Variants in NKIRAS1 observed in about 807,000 individuals in gnomAD.
NKIRAS1 encodes the protein NFKB inhibitor interacting Ras like 1.
A neutral mutation model predicts 19.8 loss-of-function variants in NKIRAS1; 16 were observed. The observed-to-expected ratio is 0.81, with a 90% CI of 0.55 to 1.23. The LOEUF (loss-of-function observed/expected upper bound fraction) is 1.23. Ranked by LOEUF, NKIRAS1 falls within the 50% of genes most tolerant of loss-of-function variation. The probability of loss-of-function intolerance (pLI) is 0.00; values close to 1 mark genes in which losing one functional copy is unlikely to be tolerated. For missense variants in NKIRAS1, 184 were observed against 220.0 expected (o/e 0.84, Z 1.04); for synonymous variants, 88 against 79.0 (o/e 1.11, Z -0.61).
upstream of NKIRAS1, chr3:23,921,606 TCA>T (rs1264423416): frequency 2.4e-5 from 13 of 548,768 alleles, no homozygotes; most frequent in African/African-American, 2.3e-4. Context: ...AGATGGAGTC[TCA>T]CTCTCACTCA....
intron 1 of NKIRAS1, among the ~76,000 whole-genome samples, chr3:23,933,368 C>A (rs984883300): frequency 4.6e-5 from 7 of 152,140 alleles, no homozygotes; most frequent in African/African-American, 7.2e-5. Flanking sequence ...ACAATTTTGT[C>A]CCCCAGGGAC....
intron 1 of NKIRAS1, among the ~76,000 whole-genome samples, chr3:23,941,828 A>G (rs377401186): frequency 2.0e-5 from 3 of 152,330 alleles, no homozygotes; most frequent in East Asian, 3.9e-4. Context: ...GCTCATAGAC[A>G]CTGATATTAT....
At chr3:23,910,699 G>A (rs1054454081) in intron 3 of NKIRAS1, 112 bp downstream of exon 3, 5 of 741,138 alleles carry the variant, frequency 6.7e-6, no homozygotes, top group Non-Finnish European at 1.2e-5. Flanking sequence ...TGGTCCCTCT[G>A]GATTATACCT....
chr3:23,917,965 C>T, upstream of NKIRAS1: 5 of 1,613,706 alleles, frequency 3.1e-6, no homozygotes, highest in Non-Finnish European at 4.2e-6. Context: ...GCTCTCTGCT[C>T]TCCACAGGGC....
upstream of NKIRAS1, chr3:23,918,447 T>C (rs754454565): frequency 6.8e-6 from 11 of 1,612,360 alleles, no homozygotes; most frequent in African/African-American, 1.3e-5. Flanking sequence ...TAGGTTACGT[T>C]ATATATAGGA....
upstream of NKIRAS1, chr3:23,918,020 A>C: frequency 1.2e-6 from 2 of 1,609,024 alleles, no homozygotes; most frequent in Non-Finnish European, 1.7e-6. Context: ...CTGGGCTACA[A>C]GGCCAAGCAA....
chr3:23,921,736 A>T, upstream of NKIRAS1: 1 of 619,220 alleles, frequency 1.6e-6, no homozygotes. Flanking sequence ...TGCCATGCCC[A>T]GCTAAGTTTT....
At chr3:23,908,179 A>C (rs2125406037) in intron 3 of NKIRAS1, among the ~76,000 whole-genome samples, 1 of 152,304 alleles carries the variant, frequency 6.6e-6, no homozygotes, top group Non-Finnish European at 1.5e-5. Flanking sequence ...AAATTTCCAA[A>C]ATGACCAATT....
rs113081849 is a variant in NKIRAS1 at position 23,899,718 on chromosome 3, G to A, written c.336+1090C>T. Among the ~76,000 whole-genome samples the A allele has an allele frequency of 2.2e-3, 337 of 152,358 alleles. 1 individual carries two copies. Among genetic ancestry groups the A allele is most frequent in the African/African-American group, 7.5e-3 (312 of 41,596 alleles). On this transcript the variant is annotated intron_variant, in intron 4 of 4. Coordinates refer to ENST00000425478, the MANE Select transcript of NKIRAS1 (RefSeq NM_020345.4). Reference sequence around the variant, plus strand: ...TAATAAAGATGAGATGAAAAGGACAGGCATGGGCCAGGTAATCTAAATCTT... The same window carrying A: ...TAATAAAGATGAGATGAAAAGGACAAGCATGGGCCAGGTAATCTAAATCTT...
chr3:23,919,997 A>G (rs1242194207), upstream of NKIRAS1: 3 of 987,018 alleles, frequency 3.0e-6, no homozygotes, highest in African/African-American at 1.7e-5. Flanking sequence ...TTAAATTCAC[A>G]TAAAAGGTGA....
intron 1 of NKIRAS1, among the ~76,000 whole-genome samples, chr3:23,912,504 C>T (rs911651058): frequency 6.6e-6 from 1 of 152,110 alleles, no homozygotes; most frequent in Non-Finnish European, 1.5e-5. Flanking sequence ...CCATCTCACG[C>T]CAATTAGAAT....
intron 1 of NKIRAS1, among the ~76,000 whole-genome samples, chr3:23,914,479 A>G (rs1016492720): frequency 1.3e-5 from 2 of 152,276 alleles, no homozygotes; most frequent in Non-Finnish European, 2.9e-5. Flanking sequence ...AGTGTGGAAT[A>G]CTTTCACTTA....
At chr3:23,919,261 C>T, upstream of NKIRAS1, 1 of 1,612,860 alleles carries the variant, frequency 6.2e-7, no homozygotes, top group Non-Finnish European at 8.5e-7. Context: ...GTGAAGATTC[C>T]ACATACAAAT....
chr3:23,934,895 A>G (rs1457497928), intron 1 of NKIRAS1, among the ~76,000 whole-genome samples: 2 of 152,028 alleles, frequency 1.3e-5, no homozygotes, highest in African/African-American at 4.8e-5. Context: ...TTTAATCTAT[A>G]GAAGATTGCT....
At chr3:23,939,739 G>A (rs187466586) in intron 1 of NKIRAS1, among the ~76,000 whole-genome samples, 4 of 152,222 alleles carry the variant, frequency 2.6e-5, no homozygotes, top group Non-Finnish European at 5.9e-5. Flanking sequence ...GCGAGACTCC[G>A]TCTCAAAACA....
chr3:23,913,794 G>A (rs998998710), intron 1 of NKIRAS1, among the ~76,000 whole-genome samples: 3 of 152,170 alleles, frequency 2.0e-5, no homozygotes, highest in Non-Finnish European at 4.4e-5. Flanking sequence ...CACATGAACC[G>A]ATCCTGGGGT....
intron 3 of NKIRAS1, among the ~76,000 whole-genome samples, chr3:23,909,825 A>G (rs1312202068): frequency 6.6e-6 from 1 of 151,768 alleles, no homozygotes; most frequent in Non-Finnish European, 1.5e-5. Context: ...TTAAAAATCT[A>G]CATACAGCAG....
upstream of NKIRAS1, chr3:23,919,610 G>A: frequency 2.1e-6 from 3 of 1,422,414 alleles, no homozygotes; most frequent in Non-Finnish European, 2.7e-6. Flanking sequence ...TTTCTTGAAT[G>A]CTTTGTCAAA....
intron 1 of NKIRAS1, among the ~76,000 whole-genome samples, chr3:23,930,582 A>T (rs1213621705): frequency 2.0e-5 from 3 of 152,344 alleles, no homozygotes; most frequent in East Asian, 3.9e-4. Context: ...CTTTACTATT[A>T]TGAAATTAAA....
Sources: gnomAD v4.1 joint callset for allele counts (sites outside exome capture counted in the v4.1 genomes callset) on GRCh38, gnomAD v4.1.1 for gene constraint, MANE v1.5 for transcripts, NCBI Gene and HGNC (gene_info 2026-07-23, HGNC 2026-07-21) for gene names.